The following MTA3 variants were observed in gnomAD, a reference collection of about 807,000 sequenced individuals.
The protein encoded by MTA3 is metastasis associated 1 family member 3.
In MTA3, 34 loss-of-function variants were observed where a neutral mutation model predicts 83.5. That is an observed-to-expected ratio of 0.41 (90% CI 0.31 to 0.54). The LOEUF is 0.54. MTA3 is among the 20% of genes least tolerant of loss of function. MTA3 has a pLI of 0.33. For missense variants in MTA3, 761 were observed against 726.4 expected, an observed-to-expected ratio of 1.05 and a Z score of -0.55; for synonymous variants, 303 against 252.7, an observed-to-expected ratio of 1.20 and a Z score of -1.89.
intron 2 of MTA3, among the ~76,000 whole-genome samples, chr2:42,497,984 G>C (rs933855931): frequency 6.6e-6 from 1 of 152,172 alleles, no homozygotes; most frequent in African/African-American, 2.4e-5. Context: ...TTTTACTGCT[G>C]ACTCTGGCTT....
intron 2 of MTA3, among the ~76,000 whole-genome samples, chr2:42,572,662 C>T (rs763941796): frequency 1.2e-4 from 19 of 152,016 alleles, no homozygotes; most frequent in Non-Finnish European, 2.1e-4. Flanking sequence ...AAGATTTGTC[C>T]GAGATGGTCG....
rs1670252240 is a variant in MTA3, at chr2:42,756,577, G to C, written c.*3178G>C. ...AGGGGAGGTGGAGGAGCTGCCCCGT[G>C]GGTGTTTGGAGATTCTGTTTTACTC... On this transcript the variant is annotated 3_prime_UTR_variant, in exon 17 of 17. Transcript: ENST00000405094. 4.1e-6 allele frequency: 4 copies of C among 985,672 alleles called. No homozygotes were observed. Among genetic ancestry groups the C allele is most frequent in the Non-Finnish European group, 4.8e-6 (4 of 830,174 alleles). The allele number at this position is 985,672 out of a possible 1,614,324, so 61.1% of individuals were successfully genotyped here.
chr2:42,573,961 G>A (rs1467972939), intron 2 of MTA3, among the ~76,000 whole-genome samples: 1 of 151,966 alleles, frequency 6.6e-6, no homozygotes, highest in Admixed American at 6.6e-5. Flanking sequence ...TGGGACTACA[G>A]GAGCCTGCCA....
At chr2:42,748,201 TTGTGTGTGTGTG>T (rs61339061) in intron 16 of MTA3, among the ~76,000 whole-genome samples, 25 of 137,618 alleles carry the variant, frequency 1.8e-4, no homozygotes, top group African/African-American at 3.8e-4. Flanking sequence ...GCTAATGTGT[TTGTGTGTGTGTG>T]TGTGTGTGTG....
At chr2:42,554,124 C>T (rs761101762) in intron 2 of MTA3, among the ~76,000 whole-genome samples, 6 of 151,686 alleles carry the variant, frequency 4.0e-5, no homozygotes, top group Non-Finnish European at 5.9e-5. Context: ...ATCCCAGCTA[C>T]TCGGGAAGCT....
intron 16 of MTA3, chr2:42,752,397 C>A (rs1326843519): frequency 5.1e-6 from 2 of 393,360 alleles, no homozygotes; most frequent in Non-Finnish European, 1.0e-5. Context: ...AGCAAACAAC[C>A]CCACTTCCCT....
intron 2 of MTA3, among the ~76,000 whole-genome samples, chr2:42,539,219 C>G (rs1676410558): frequency 6.6e-6 from 1 of 152,062 alleles, no homozygotes; most frequent in Non-Finnish European, 1.5e-5. Context: ...TCTCATACTG[C>G]TATAAGGACA....
At chr2:42,604,415 C>A (rs1474662798) in intron 3 of MTA3, among the ~76,000 whole-genome samples, 1 of 152,278 alleles carries the variant, frequency 6.6e-6, no homozygotes, top group African/African-American at 2.4e-5. Context: ...TTGAAAAGCA[C>A]TGGAATGAAA....
intron 3 of MTA3, among the ~76,000 whole-genome samples, chr2:42,594,303 C>T (rs752100864): frequency 1.6e-4 from 22 of 139,298 alleles, no homozygotes; most frequent in Non-Finnish European, 2.6e-4. Flanking sequence ...GTGGCATGAT[C>T]TGAGCTCATA....
At chr2:42,710,051 T>TG (rs1401739029) in intron 14 of MTA3, among the ~76,000 whole-genome samples, 8 of 152,218 alleles carry the variant, frequency 5.3e-5, no homozygotes, top group Non-Finnish European at 1.0e-4. Flanking sequence ...TGACAAAACT[T>TG]GCTGTCTGGC....
At chr2:42,600,201 A>C (rs7556905) in intron 3 of MTA3, among the ~76,000 whole-genome samples, 114,085 of 151,936 alleles carry the variant, frequency 0.75, 43,210 homozygotes, top group South Asian at 0.87. Flanking sequence ...CTGTCTCAAA[A>C]AAAACAAAAC....
intron 2 of MTA3, among the ~76,000 whole-genome samples, chr2:42,548,070 C>A (rs988589292): frequency 6.6e-6 from 1 of 152,208 alleles, no homozygotes; most frequent in Non-Finnish European, 1.5e-5. Flanking sequence ...GGAGGCCACC[C>A]ATACAGTAGA....
In MTA3 at chr2:42,570,566, T is replaced by C. The variant is rs1573004621; in HGVS notation, c.96+62T>C. 2.9e-6 allele frequency: 3 copies of C among 1,047,018 alleles called. No individual in the cohort carries two copies. In the East Asian group the frequency reaches 8.1e-5, roughly 28 times the overall value. The allele number at this position is 1,047,018 out of a possible 1,614,324, so 64.9% of individuals were successfully genotyped here. A position where few individuals can be genotyped will look rare whatever the true frequency, so the allele number is the denominator to read the frequency against. On this transcript the variant is annotated intron_variant, in intron 2 of 16. Transcript: ENST00000405094. ...TATTTATTTTCCCTTGATGGGTAAT[T>C]GGGTAAAGGGTGGCCTGGTGTGGGG...
chr2:42,663,245 G>C lies in MTA3; in HGVS notation c.702+3383G>C, dbSNP rs546465971. On this transcript the variant is annotated intron_variant, in intron 8 of 16. Transcript: ENST00000405094. ...CCTGAGATGGTGGAGAGTTCTCGTG[G>C]CAGCTGGGCTGACTTGCCTGAGGTA... Among the ~76,000 whole-genome samples, 5 of 152,242 alleles carry C rather than the reference G, an allele frequency of 3.3e-5. No homozygotes were observed. In the South Asian group the frequency reaches 1.0e-3, roughly 32 times the overall value.
rs578154546 is a variant in MTA3 at position 42,599,473 on chromosome 2, C to T, written c.191-9985C>T. On this transcript the variant is annotated intron_variant, in intron 3 of 16. Transcript: ENST00000405094. The stretch of plus-strand genomic sequence containing the variant: ...TAGCCGGGTGTGGTGGCGGGCGCCT[C>T]CAGCTACTCAGGAGGGTGAGGTAGG... Among the ~76,000 whole-genome samples, 28 of 151,958 alleles carry T rather than the reference C, an allele frequency of 1.8e-4. No homozygotes were observed. In the East Asian group the frequency reaches 5.1e-3, roughly 27 times the overall value.
chr2:42,530,648 A>G (rs571886199), intron 2 of MTA3, among the ~76,000 whole-genome samples: 1 of 146,300 alleles, frequency 6.8e-6, no homozygotes, highest in Non-Finnish European at 1.5e-5. Flanking sequence ...AGCTGGGCGT[A>G]GTGGCGCATG....
chr2:42,698,883 G>A (rs1449666871), intron 11 of MTA3, among the ~76,000 whole-genome samples: 1 of 152,142 alleles, frequency 6.6e-6, no homozygotes, highest in Non-Finnish European at 1.5e-5. Flanking sequence ...TAGCCCATCT[G>A]CAGAGTGGTT....
chr2:42,729,907 G>A (rs1668129550), intron 16 of MTA3, among the ~76,000 whole-genome samples: 3 of 152,114 alleles, frequency 2.0e-5, no homozygotes, highest in South Asian at 4.1e-4. Flanking sequence ...TAACAGTATC[G>A]ATTCTTCCAA....
chr2:42,721,150 C>T (rs1667381461), intron 15 of MTA3, among the ~76,000 whole-genome samples: 1 of 151,792 alleles, frequency 6.6e-6, no homozygotes, highest in East Asian at 1.9e-4. Context: ...GTTGAAAACA[C>T]TGTACTAAGT....
Sources: allele counts gnomAD v4.1 joint callset (sites outside exome capture counted in the v4.1 genomes callset), GRCh38; gene constraint gnomAD v4.1.1; transcripts MANE v1.5; gene names NCBI Gene and HGNC (gene_info 2026-07-23, HGNC 2026-07-21).